The following DDHD1 variants were observed in gnomAD, a reference collection of about 807,000 sequenced individuals.
DDHD1 encodes the protein DDHD domain containing 1, also known as phospholipase DDHD1.
Under a neutral mutation model 96.4 loss-of-function variants are expected in DDHD1, and 49 were observed. That is an observed-to-expected ratio of 0.51 (90% CI 0.40 to 0.64). The LOEUF is 0.64. DDHD1 is among the 30% of genes least tolerant of loss of function. The pLI, the probability that DDHD1 is intolerant of heterozygous loss-of-function variation, is 0.00. For synonymous variants in DDHD1, 442 were observed against 446.5 expected, an observed-to-expected ratio of 0.99 and a Z score of 0.13; for missense variants, 1,106 against 1,161.2, an observed-to-expected ratio of 0.95 and a Z score of 0.69.
chr14:53,151,154 AGGTGACG>A (rs1359677408), intron 1 of DDHD1, among the ~76,000 whole-genome samples: 1 of 152,200 alleles, frequency 6.6e-6, no homozygotes, highest in Non-Finnish European at 1.5e-5. Context: ...ACAAAGATAA[AGGTGACG>A]GGCTCTGCCG....
At chr14:53,054,231 A>G in intron 11 of DDHD1, 1 of 487,684 alleles carries the variant, frequency 2.1e-6, no homozygotes, top group Non-Finnish European at 3.6e-6. Flanking sequence ...TATTCTATTA[A>G]TTCATCAATG....
intron 9 of DDHD1, 99 bp from the exon 10 acceptor site, chr14:53,056,011 C>T (rs912877846): frequency 4.1e-6 from 4 of 985,366 alleles, no homozygotes; most frequent in Admixed American, 5.5e-5. Context: ...AAGTAAACCT[C>T]CGAGAAGGAA....
intron 1 of DDHD1, among the ~76,000 whole-genome samples, chr14:53,108,374 T>C (rs1475862001): frequency 6.6e-6 from 1 of 152,124 alleles, no homozygotes; most frequent in Non-Finnish European, 1.5e-5. Context: ...TAACACTCAC[T>C]GCATGGCCCA....
chr14:53,102,972 T>G (rs1163939632), intron 2 of DDHD1: 3 of 1,519,254 alleles, frequency 2.0e-6, no homozygotes, highest in Non-Finnish European at 8.9e-7. Flanking sequence ...GAAACGGTTT[T>G]AGAAGAAAAA....
rs1449388460 is a variant in DDHD1 at position 53,039,354 on chromosome 14, G to C, written c.*7414C>G. The C allele has an allele frequency of 1.3e-5, 2 of 152,204 alleles. No individual in the cohort carries two copies. The highest frequency in any genetic ancestry group is 4.8e-5 in the African/African-American group (2 of 41,446). The allele number at this position is 152,204 out of a possible 1,614,324, so 9.4% of individuals were successfully genotyped here. A position where few individuals can be genotyped will look rare whatever the true frequency, so the allele number is the denominator to read the frequency against. ...GGCCAGCAAATAAAATCCTATGGAA[G>C]GCTTCTGCCCTATCTAGTTAGGGTT... On this transcript the variant is annotated 3_prime_UTR_variant, in exon 13 of 13. Transcript: ENST00000673822.
At chr14:53,149,812 C>G (rs978289784) in intron 1 of DDHD1, 19 of 152,326 alleles carry the variant, frequency 1.2e-4, no homozygotes, top group Middle Eastern at 3.4e-3. Flanking sequence ...TAGGCTCCCA[C>G]CAGTTTTCAC....
At chr14:53,102,883 A>C in intron 2 of DDHD1, 1 of 775,576 alleles carries the variant, frequency 1.3e-6, no homozygotes, top group Non-Finnish European at 2.1e-6. Flanking sequence ...GGAAGGGAAA[A>C]AATCAATTAA....
chr14:53,131,489 T>G (rs553223656), intron 1 of DDHD1, among the ~76,000 whole-genome samples: 1 of 152,216 alleles, frequency 6.6e-6, no homozygotes, highest in African/African-American at 2.4e-5. Context: ...CCCATATACT[T>G]TCCTATCCTC....
Position 53,153,051 on chromosome 14 carries a change from G to T in DDHD1, c.48C>A (p.Gly16=). 6.7e-7 allele frequency: 1 copy of T among 1,492,392 alleles called. No homozygotes were observed. 92.4% of individuals were successfully genotyped at this position (1,492,392 alleles called of 1,614,324 possible). A position where few individuals can be genotyped will look rare whatever the true frequency, so the allele number is the denominator to read the frequency against. The change falls in exon 1 of 13, where the codon GGC becomes GGA. Residue 16 remains glycine (G), a synonymous_variant. Transcript: ENST00000673822. ...RGSPRSPEHN[G]RGGGGGAWEL... The stretch of plus-strand genomic sequence containing the variant: ...CCCAGGCGCCGCCGCCGCCGCCTCG[G>T]CCGTTATGCTCGGGGCTCCGTGGGG...
At chr14:53,136,720 T>C (rs1890266039) in intron 1 of DDHD1, among the ~76,000 whole-genome samples, 1 of 152,204 alleles carries the variant, frequency 6.6e-6, no homozygotes, top group South Asian at 2.1e-4. Context: ...AGAAAGGTAA[T>C]GCCTCAGTAG....
intron 8 of DDHD1, among the ~76,000 whole-genome samples, chr14:53,060,591 T>C (rs952646668): frequency 6.6e-6 from 1 of 152,350 alleles, no homozygotes. Flanking sequence ...CTCTGATTTT[T>C]TTCTCACCAC....
intron 2 of DDHD1, among the ~76,000 whole-genome samples, chr14:53,102,021 TTAA>T (rs1887338068): frequency 6.6e-6 from 1 of 151,972 alleles, no homozygotes; most frequent in East Asian, 1.9e-4. Context: ...TTTTCATGTG[TTAA>T]TAATAAGAAA....
rs1196640770 is a variant in DDHD1 at position 53,091,847 on chromosome 14, T to C, written c.1227A>G (p.Val409=). The C allele has an allele frequency of 6.2e-7, 1 of 1,613,890 alleles. No homozygotes were observed. Among genetic ancestry groups the C allele is most frequent in the South Asian group, 1.1e-5 (1 of 91,040 alleles). The change falls in exon 4 of 13, where the codon GTA becomes GTG. Residue 409 remains valine (V), a synonymous_variant. Coordinates refer to ENST00000673822, the MANE Select transcript of DDHD1 (RefSeq NM_001160148.2). Reference sequence around the variant, plus strand: ...TCTGCCCAATGCCATGCACAACAAATACAATATGGGTAGTCTGTGATGGCT... The same window carrying C: ...TCTGCCCAATGCCATGCACAACAAACACAATATGGGTAGTCTGTGATGGCT... ...EDKPSQTTHI[V]FVVHGIGQKM...
chr14:53,046,727 A>G lies in DDHD1; in HGVS notation c.*41T>C, dbSNP rs775165211. On this transcript the variant is annotated 3_prime_UTR_variant, in exon 13 of 13. Transcript: ENST00000673822. ...TGACACACACATTTTAACGGAAAAA[A>G]AAAAAATCAGTTTTAGGCCATTCAT... The G allele has an allele frequency of 4.0e-5, 57 of 1,413,224 alleles. No homozygotes were observed. The highest frequency in any genetic ancestry group is 5.4e-5 in the Non-Finnish European group (57 of 1,060,830). The allele number at this position is 1,413,224 out of a possible 1,614,324, so 87.5% of individuals were successfully genotyped here.
chr14:53,108,223 G>A (rs891768513), intron 1 of DDHD1, among the ~76,000 whole-genome samples: 4 of 152,138 alleles, frequency 2.6e-5, no homozygotes, highest in African/African-American at 9.7e-5. Context: ...CCAGCGAGGC[G>A]CCCACTGCTC....
chr14:53,122,345 A>C (rs1413907160), intron 1 of DDHD1, among the ~76,000 whole-genome samples: 1 of 152,120 alleles, frequency 6.6e-6, no homozygotes, highest in Non-Finnish European at 1.5e-5. Context: ...TTCCACAGCT[A>C]GGCACCTCCC....
chr14:53,070,778 T>C (rs1292630514), intron 6 of DDHD1, among the ~76,000 whole-genome samples: 1 of 152,168 alleles, frequency 6.6e-6, no homozygotes, highest in Non-Finnish European at 1.5e-5. Context: ...TAAAAATAGT[T>C]ACAGGTTATG....
In DDHD1 at chr14:53,136,180, C is replaced by T. The variant is rs542997641; in HGVS notation, c.838+16081G>A. On this transcript the variant is annotated intron_variant, in intron 1 of 12. Transcript: ENST00000673822. The stretch of plus-strand genomic sequence containing the variant: ...ATTGCTCCTACCTCCACCACCTATC[C>T]CAAAACCTGTAAGAACTAATGATAA... 5.9e-5 allele frequency among the ~76,000 whole-genome samples: 9 copies of T among 152,310 alleles called. No homozygotes were observed. In the East Asian group the frequency reaches 1.4e-3, roughly 23 times the overall value.
At chr14:53,096,066 T>C (rs575547177) in intron 2 of DDHD1, 1 of 900,160 alleles carries the variant, frequency 1.1e-6, no homozygotes, top group South Asian at 5.1e-5. Context: ...AACTGAATAC[T>C]ATAAGCCAGG....
Sources: gnomAD v4.1 joint callset for allele counts (sites outside exome capture counted in the v4.1 genomes callset) on GRCh38, gnomAD v4.1.1 for gene constraint, MANE v1.5 for transcripts, NCBI Gene and HGNC (gene_info 2026-07-23, HGNC 2026-07-21) for gene names.